NECAB3: variants seen among roughly 807,000 people sequenced by gnomAD.
The protein encoded by NECAB3 is N-terminal EF-hand calcium-binding protein 3.
In NECAB3, 38 loss-of-function variants were observed where a neutral mutation model predicts 57.2. The ratio of observed to expected loss-of-function variants is 0.66; its 90% CI spans 0.51 to 0.87. The LOEUF is 0.87. Among genes scored for constraint, NECAB3 ranks in the 40% least tolerant of loss-of-function variants. NECAB3 has a pLI of 0.00. For missense variants in NECAB3, 474 were observed against 527.5 expected (o/e 0.90, Z 0.99); for synonymous variants, 223 against 222.6 (o/e 1.00, Z -0.02).
intron 1 of NECAB3, among the ~76,000 whole-genome samples, chr20:33,673,498 T>G (rs2017874910): frequency 6.6e-6 from 1 of 152,154 alleles, no homozygotes; most frequent in South Asian, 2.1e-4. Flanking sequence ...CACCCTATTG[T>G]ATCCCTGCCT....
rs746876014 is a variant in NECAB3, at chr20:33,659,693, A to G, written c.683T>C (p.Val228Ala). ...SEAEMQWRLQ[V>A]NRLQELIDQL... ...GTCGATGAGCTCCTGGAGGCGGTTCACCTGGAGCCGCCACTGCATCTCGGC... is the reference window on the plus strand; with the variant it reads ...GTCGATGAGCTCCTGGAGGCGGTTCGCCTGGAGCCGCCACTGCATCTCGGC... The change falls in exon 8 of 12, where the codon GTG becomes GCG. Residue 228 changes from valine to alanine, a missense_variant. Val to Ala is a moderately conservative substitution (Grantham distance 64). Coordinates refer to ENST00000246190, the MANE Select transcript of NECAB3 (RefSeq NM_031232.4). 1.9e-5 allele frequency: 30 copies of G among 1,602,494 alleles called. No homozygotes were observed. Among genetic ancestry groups the G allele is most frequent in the Non-Finnish European group, 2.6e-5 (30 of 1,176,280 alleles).
intron 1 of NECAB3, among the ~76,000 whole-genome samples, chr20:33,672,651 A>C (rs1337527962): frequency 6.6e-6 from 1 of 152,176 alleles, no homozygotes; most frequent in African/African-American, 2.4e-5. Context: ...CTTCTCCTGC[A>C]GGGCCTGGCC....
intron 5 of NECAB3, chr20:33,663,948 G>A: frequency 7.9e-7 from 1 of 1,268,058 alleles, no homozygotes; most frequent in Non-Finnish European, 1.0e-6. Context: ...GTCTGGGCGC[G>A]GAGTCGGGGT....
chr20:33,667,380 G>T, intron 5 of NECAB3: 1 of 1,279,370 alleles, frequency 7.8e-7, no homozygotes, highest in South Asian at 2.1e-5. Context: ...TGGGCGGCCT[G>T]CGGGTGTGCC....
In NECAB3 at chr20:33,660,125, C is replaced by T. The variant is rs902440267; in HGVS notation, c.525-122G>A. 14 of 1,524,898 alleles carry T rather than the reference C, an allele frequency of 9.2e-6. No individual in the cohort carries two copies. Among genetic ancestry groups the T allele is most frequent in the African/African-American group, 8.3e-5 (6 of 72,712 alleles). 94.5% of individuals were successfully genotyped at this position (1,524,898 alleles called of 1,614,324 possible). A position where few individuals can be genotyped will look rare whatever the true frequency, so the allele number is the denominator to read the frequency against. ...CCCCAAAGCCAGTCTCATTTCACCC[C>T]GCCATGGCTACCCTGCCATGGCTTC... On this transcript the variant is annotated intron_variant, in intron 6 of 11. Transcript: ENST00000246190. This position sits in a 1 kb window ranked among gnomAD's most constrained non-coding sequence, Gnocchi z 4.1.
chr20:33,666,216 T>C (rs544316284), intron 5 of NECAB3, among the ~76,000 whole-genome samples: 1 of 152,012 alleles, frequency 6.6e-6, no homozygotes, highest in Non-Finnish European at 1.5e-5. Context: ...ATGAAAAAGC[T>C]TTTTCTTCAG....
At position 33,659,603 on chromosome 20, in the gene NECAB3, G is replaced by A. The variant is rs748126372; in HGVS notation, c.773C>T (p.Pro258Leu). The A allele has an allele frequency of 7.3e-5, 118 of 1,606,796 alleles. No individual in the cohort carries two copies. In the East Asian group the frequency reaches 2.6e-3, roughly 36 times the overall value. Residue 258 changes from proline to leucine, a missense_variant, in exon 8 of 12, where the codon CCA (proline) becomes CTA (leucine). By Grantham distance (98) the Pro-to-Leu change is moderately conservative. Coordinates refer to ENST00000246190, the MANE Select transcript of NECAB3 (RefSeq NM_031232.4). ...GPHKGGPSWYPPEPGPCWRPG... is the reference protein window; with the variant it reads ...GPHKGGPSWYLPEPGPCWRPG... The stretch of plus-strand genomic sequence containing the variant: ...CCTCCAGCATGGGCCTGGCTCTGGT[G>A]GATACCAGGAGGGTCCTCCCTTGTG...
intron 3 of NECAB3, 105 bp from the exon 4 acceptor site, chr20:33,669,817 C>T (rs751056438): frequency 1.1e-5 from 14 of 1,262,426 alleles, no homozygotes; most frequent in Non-Finnish European, 1.5e-5. Context: ...CTTAGCCTAA[C>T]AAGGCCACTT....
At chr20:33,671,110 T>C (rs189824186) in intron 2 of NECAB3, among the ~76,000 whole-genome samples, 154 of 152,292 alleles carry the variant, frequency 1.0e-3, no homozygotes, top group Non-Finnish European at 1.9e-3. Context: ...CACGGCCACA[T>C]TGTGGCAGGG....
At chr20:33,662,661 C>T in intron 5 of NECAB3, 1 of 656,826 alleles carries the variant, frequency 1.5e-6, no homozygotes, top group Non-Finnish European at 2.5e-6. Context: ...GATGGGGGTC[C>T]TTTCAAGGTG....
intron 5 of NECAB3, chr20:33,662,535 G>C: frequency 6.6e-7 from 1 of 1,525,848 alleles, no homozygotes; most frequent in Non-Finnish European, 8.9e-7. Context: ...AGCTGGACAA[G>C]TGGGTGGGAA....
At chr20:33,672,318 C>T in intron 2 of NECAB3, 80 bp downstream of exon 2, 2 of 1,563,064 alleles carry the variant, frequency 1.3e-6, no homozygotes, top group East Asian at 2.2e-5. Flanking sequence ...GACTTCCCAC[C>T]CAACCTCCCA....
At position 33,663,703 on chromosome 20, in the gene NECAB3, C is replaced by G. The variant is rs746862374; in HGVS notation, c.388-3308G>C. 35 of 1,545,490 alleles carry G rather than the reference C, an allele frequency of 2.3e-5. No homozygotes were observed. The East Asian group carries it at 7.3e-4, about 32-fold the overall frequency. On this transcript the variant is annotated intron_variant, in intron 5 of 11. Coordinates refer to ENST00000246190, the MANE Select transcript of NECAB3 (RefSeq NM_031232.4). The stretch of plus-strand genomic sequence containing the variant: ...GAGGATGCCGGTACTGCTGCTGCTG[C>G]GGCGGCAAGAGGCGCGGCGGCCGGA...
chr20:33,670,568 A>G, intron 3 of NECAB3, 116 bp downstream of exon 3: 1 of 683,042 alleles, frequency 1.5e-6, no homozygotes, highest in Non-Finnish European at 2.5e-6. Context: ...GAGCCCTGGT[A>G]CCTTTCTCCC....
chr20:33,672,642 T>C (rs533142103), intron 1 of NECAB3, among the ~76,000 whole-genome samples: 1 of 152,290 alleles, frequency 6.6e-6, no homozygotes, highest in South Asian at 2.1e-4. Context: ...CTCTGCTCAC[T>C]TCTCCTGCAG....
At chr20:33,672,098 G>A in intron 2 of NECAB3, 1 of 475,010 alleles carries the variant, frequency 2.1e-6, no homozygotes, top group East Asian at 3.8e-5. Flanking sequence ...TCTAGCTGGT[G>A]GTTGTGAGGA....
In NECAB3 at chr20:33,674,373, C is replaced by A. The variant is rs1463234214; in HGVS notation, c.-21G>T. 8.6e-7 allele frequency: 1 copy of A among 1,165,862 alleles called. No individual in the cohort carries two copies. The highest frequency in any genetic ancestry group is 4.2e-5 in the South Asian group (1 of 23,754). The allele number at this position is 1,165,862 out of a possible 1,614,324, so 72.2% of individuals were successfully genotyped here. A position where few individuals can be genotyped will look rare whatever the true frequency, so the allele number is the denominator to read the frequency against. ...GCCATGGCGCCGCCACCCGCTCGGG[C>A]TCGGCTGCGGTTGCTGCCGACCCTG... On this transcript the variant is annotated 5_prime_UTR_variant, in exon 1 of 12. Coordinates refer to ENST00000246190, the MANE Select transcript of NECAB3 (RefSeq NM_031232.4).
rs1433546512 is a variant in NECAB3, at chr20:33,674,424, T to G, written c.-72A>C. 4 of 1,087,908 alleles carry G rather than the reference T, an allele frequency of 3.7e-6. No individual in the cohort carries two copies. The highest frequency in any genetic ancestry group is 4.5e-6 in the Non-Finnish European group (4 of 896,026). 67.4% of individuals were successfully genotyped at this position (1,087,908 alleles called of 1,614,324 possible). Reference sequence around the variant, plus strand: ...GACGCCGCGGCGGACTCGGTGTGGCTAGAGGCCGCCCCTTGGCGCCGGCGC... The same window carrying G: ...GACGCCGCGGCGGACTCGGTGTGGCGAGAGGCCGCCCCTTGGCGCCGGCGC... On this transcript the variant is annotated 5_prime_UTR_variant, in exon 1 of 12. Coordinates refer to ENST00000246190, the MANE Select transcript of NECAB3 (RefSeq NM_031232.4).
rs1491004226 is a variant in NECAB3 at position 33,663,605 on chromosome 20, C to T, written c.388-3210G>A. 3 of 1,610,826 alleles carry T rather than the reference C, an allele frequency of 1.9e-6. No homozygotes were observed. In the African/African-American group the frequency reaches 4.0e-5, roughly 22 times the overall value. On this transcript the variant is annotated intron_variant, in intron 5 of 11. Transcript: ENST00000246190. Reference sequence around the variant, plus strand: ...AACGCTGGGCAACGGATTGACTACGCGTCCGGCGCTGGGCTGGGCTCCCCG... The same window carrying T: ...AACGCTGGGCAACGGATTGACTACGTGTCCGGCGCTGGGCTGGGCTCCCCG...
Sources: allele counts gnomAD v4.1 joint callset (sites outside exome capture counted in the v4.1 genomes callset), GRCh38; gene constraint gnomAD v4.1.1; non-coding constraint Gnocchi (gnomAD v3.1); transcripts MANE v1.5; gene names NCBI Gene and HGNC (gene_info 2026-07-23, HGNC 2026-07-21).